EP300: variants seen among roughly 807,000 people sequenced by gnomAD.
EP300 encodes the protein histone acetyltransferase p300.
A neutral mutation model predicts 264.0 loss-of-function variants in EP300; 31 were observed. That is an observed-to-expected ratio of 0.12 (90% CI 0.09 to 0.16). The LOEUF is 0.16. Ranked by LOEUF, EP300 falls within the 10% of genes least tolerant of loss-of-function variation. The probability of loss-of-function intolerance (pLI) is 1.00; values close to 1 mark genes in which losing one functional copy is unlikely to be tolerated. For missense variants in EP300, 2,766 were observed against 3,052.9 expected, an observed-to-expected ratio of 0.91 and a Z score of 2.21; for synonymous variants, 1,340 against 1,045.4, an observed-to-expected ratio of 1.28 and a Z score of -5.44.
chr22:41,112,293 C>T (rs948331492), intron 1 of EP300, among the ~76,000 whole-genome samples: 2 of 152,018 alleles, frequency 1.3e-5, no homozygotes, highest in African/African-American at 2.4e-5. Flanking sequence ...TGGGTTCAAG[C>T]GATTCCTTGC....
rs2059205609 is a variant in EP300 at position 41,177,224 on chromosome 22, C to T, written c.5513C>T (p.Thr1838Ile). The change falls in exon 31 of 31, where the codon ACT (threonine) becomes ATT (isoleucine). Residue 1838 changes from threonine (T) to isoleucine (I), a missense_variant. Coordinates refer to ENST00000263253, the MANE Select transcript of EP300 (RefSeq NM_001429.4). ...LRRRMASMQR[T>I]GVVGQQQGLP... ...AGGAGGATGGCCAGCATGCAGCGGA[C>T]TGGTGTGGTTGGGCAGCAACAGGGC... The T allele has an allele frequency of 6.2e-7, 1 of 1,614,134 alleles. No individual in the cohort carries two copies. The highest frequency in any genetic ancestry group is 8.5e-7 in the Non-Finnish European group (1 of 1,180,022).
intron 1 of EP300, among the ~76,000 whole-genome samples, chr22:41,099,490 G>A (rs940925965): frequency 6.6e-6 from 1 of 152,176 alleles, no homozygotes; most frequent in Non-Finnish European, 1.5e-5. Context: ...CAAATTTAAT[G>A]CCTTTTCCAT....
intron 14 of EP300, among the ~76,000 whole-genome samples, chr22:41,150,755 G>A (rs2059039461): frequency 6.6e-6 from 1 of 151,948 alleles, no homozygotes; most frequent in Non-Finnish European, 1.5e-5. Flanking sequence ...GCCAGACATG[G>A]TAGCGGGTGC....
intron 10 of EP300, among the ~76,000 whole-genome samples, chr22:41,141,609 T>C (rs961055664): frequency 6.6e-6 from 1 of 152,096 alleles, no homozygotes; most frequent in Non-Finnish European, 1.5e-5. Flanking sequence ...ACACATAATA[T>C]CATATTACAC....
intron 14 of EP300, among the ~76,000 whole-genome samples, chr22:41,151,421 C>T (rs577681650): frequency 2.0e-5 from 3 of 152,170 alleles, no homozygotes; most frequent in Non-Finnish European, 2.9e-5. Context: ...TCTGGGACAT[C>T]ATTATATTTA....
intron 4 of EP300, among the ~76,000 whole-genome samples, chr22:41,129,495 A>G (rs1049498928): frequency 1.3e-5 from 2 of 152,244 alleles, no homozygotes; most frequent in South Asian, 4.1e-4. Flanking sequence ...AATACAATTT[A>G]CTGCAGTCAT....
At chr22:41,128,617 C>G (rs931490186) in intron 4 of EP300, among the ~76,000 whole-genome samples, 1 of 152,094 alleles carries the variant, frequency 6.6e-6, no homozygotes, top group Admixed American at 6.5e-5. Context: ...ATGCCATTCT[C>G]CCGCCTCAGC....
At chr22:41,097,088 A>G (rs1007372897) in intron 1 of EP300, among the ~76,000 whole-genome samples, 3 of 152,216 alleles carry the variant, frequency 2.0e-5, no homozygotes, top group Non-Finnish European at 4.4e-5. Flanking sequence ...TCTTGCAGAT[A>G]TAGCTCCTGA....
intron 2 of EP300, among the ~76,000 whole-genome samples, chr22:41,125,304 G>A (rs573825757): frequency 9.2e-5 from 14 of 151,680 alleles, no homozygotes; most frequent in Non-Finnish European, 2.1e-4. Flanking sequence ...ATTTTTAGTA[G>A]AGACGGGGTT....
intron 29 of EP300, among the ~76,000 whole-genome samples, chr22:41,175,249 A>G (rs915308679): frequency 7.2e-6 from 1 of 139,790 alleles, no homozygotes; most frequent in African/African-American, 2.6e-5. Flanking sequence ...GGGTGACAGA[A>G]GCAGCGAACA....
intron 1 of EP300, among the ~76,000 whole-genome samples, chr22:41,114,086 A>G (rs2058808536): frequency 6.6e-6 from 1 of 152,226 alleles, no homozygotes; most frequent in South Asian, 2.1e-4. Context: ...CGTAAGTATA[A>G]GGAAATAATG....
At chr22:41,165,771 T>C (rs1024249391) in intron 22 of EP300, among the ~76,000 whole-genome samples, 3 of 152,052 alleles carry the variant, frequency 2.0e-5, no homozygotes. Context: ...TATTTTGTTA[T>C]AAGTCATAGA....
chr22:41,154,062 T>C (rs1453688744), intron 16 of EP300, among the ~76,000 whole-genome samples: 3 of 152,226 alleles, frequency 2.0e-5, no homozygotes, highest in Admixed American at 1.3e-4. Flanking sequence ...TTGGGAAATA[T>C]CATTGAGAAC....
intron 1 of EP300, 141 bp downstream of exon 1, chr22:41,093,239 GT>G (rs2058683861): frequency 1.2e-6 from 1 of 840,018 alleles, no homozygotes; most frequent in South Asian, 1.6e-5. Flanking sequence ...GAATGAGCTG[GT>G]CGAAGACGTC....
At chr22:41,176,654 G>A in intron 30 of EP300, 119 bp from the exon 31 acceptor site, 1 of 1,608,802 alleles carries the variant, frequency 6.2e-7, no homozygotes, top group South Asian at 1.1e-5. Flanking sequence ...GAGGGGCAGA[G>A]CTGAAGAGGC....
Position 41,152,331 on chromosome 22 carries a change from A to G in EP300, c.3123A>G (p.Pro1041=), listed in dbSNP as rs370454302. The change falls in exon 16 of 31, where the codon CCA becomes CCG. Residue 1041 remains proline, a synonymous_variant. Transcript: ENST00000263253. ...STSATQSSPA[P]GQSKKKIFKP... ...CAGCTACCCAGTCATCTCCGGCTCC[A>G]GGACAGTCAAAGAAAAAGAGTGAGT... 8.1e-6 allele frequency: 13 copies of G among 1,613,702 alleles called. No individual in the cohort carries two copies. The highest frequency in any genetic ancestry group is 1.7e-5 in the Admixed American group (1 of 59,916).
intron 5 of EP300, among the ~76,000 whole-genome samples, chr22:41,130,483 T>G (rs968148763): frequency 1.3e-5 from 2 of 151,980 alleles, no homozygotes; most frequent in African/African-American, 4.8e-5. Flanking sequence ...GAGCTATGAT[T>G]GTGGCACAGC....
At chr22:41,155,976 G>A (rs1302284895) in intron 17 of EP300, among the ~76,000 whole-genome samples, 2 of 151,946 alleles carry the variant, frequency 1.3e-5, no homozygotes, top group African/African-American at 2.4e-5. Flanking sequence ...GGAATTCCTG[G>A]GTTATATAGT....
In EP300 at chr22:41,171,372, T is replaced by C. The variant is rs572618472; in HGVS notation, c.4452+801T>C. ...TTTGTTTTCAGAAAGGGTCACTCTC[T>C]GTCACCCAGGCTAGGGTGCAGTGGC... is the stretch of plus-strand genomic sequence containing the variant. On this transcript the variant is annotated intron_variant, in intron 27 of 30. Transcript: ENST00000263253. Among the ~76,000 whole-genome samples the C allele has an allele frequency of 4.6e-5, 7 of 152,290 alleles. No homozygotes were observed. The South Asian group carries it at 8.3e-4, about 18-fold the overall frequency.
Sources: allele counts gnomAD v4.1 joint callset (sites outside exome capture counted in the v4.1 genomes callset), GRCh38; gene constraint gnomAD v4.1.1; transcripts MANE v1.5; gene names NCBI Gene and HGNC (gene_info 2026-07-23, HGNC 2026-07-21).